PDE1A: variants seen among roughly 807,000 people sequenced by gnomAD.
PDE1A encodes dual specificity calcium/calmodulin-dependent 3',5'-cyclic nucleotide phosphodiesterase 1A.
A neutral mutation model predicts 61.7 loss-of-function variants in PDE1A; 35 were observed. That is an observed-to-expected ratio of 0.57 (90% CI 0.43 to 0.75). PDE1A has a LOEUF of 0.75. PDE1A is among the 30% of genes least tolerant of loss of function. The pLI, the probability that PDE1A is intolerant of heterozygous loss-of-function variation, is 0.00. For missense variants in PDE1A, 597 were observed against 630.6 expected, an observed-to-expected ratio of 0.95 and a Z score of 0.57; for synonymous variants, 232 against 213.2, an observed-to-expected ratio of 1.09 and a Z score of -0.77.
chr2:182,400,227 T>C (rs982359823), intron 1 of PDE1A, among the ~76,000 whole-genome samples: 1 of 152,196 alleles, frequency 6.6e-6, no homozygotes, highest in South Asian at 2.1e-4. Context: ...GAAGGTTCCA[T>C]GTACTTGACA....
chr2:182,536,676 T>C, the PDE1A span, among the ~76,000 whole-genome samples: 1 of 152,348 alleles, frequency 6.6e-6, no homozygotes, highest in African/African-American at 2.4e-5. Context: ...ACACATGTTC[T>C]TAAAATGTCA....
intron 1 of PDE1A, among the ~76,000 whole-genome samples, chr2:182,403,371 G>A (rs1395062007): frequency 1.4e-5 from 2 of 148,112 alleles, no homozygotes; most frequent in South Asian, 2.3e-4. Flanking sequence ...AGGCCGAGGC[G>A]GGTGGATCAC....
At chr2:182,521,218 T>C (rs1192916315) in intron 2 of PDE1A, among the ~76,000 whole-genome samples, 3 of 151,962 alleles carry the variant, frequency 2.0e-5, no homozygotes, top group Non-Finnish European at 4.4e-5. Flanking sequence ...TAATTTTCTT[T>C]AAAAAAATAT....
intron 1 of PDE1A, among the ~76,000 whole-genome samples, chr2:182,277,701 A>T (rs1167416475): frequency 1.3e-5 from 2 of 152,128 alleles, no homozygotes; most frequent in Non-Finnish European, 2.9e-5. Context: ...CTAGAGAGCT[A>T]CTGGGTGCAA....
intron 2 of PDE1A, among the ~76,000 whole-genome samples, chr2:182,479,678 C>A (rs184376200): frequency 1.3e-4 from 19 of 151,874 alleles, no homozygotes; most frequent in Admixed American, 1.1e-3. Context: ...ATATATATAG[C>A]ATTTCAGTCT....
At chr2:182,352,382 G>T (rs1191424334) in intron 1 of PDE1A, among the ~76,000 whole-genome samples, 1 of 152,190 alleles carries the variant, frequency 6.6e-6, no homozygotes, top group Admixed American at 6.5e-5. Flanking sequence ...GTAGAGTTTT[G>T]CTTCTGAACC....
intron 1 of PDE1A, among the ~76,000 whole-genome samples, chr2:182,272,403 A>T (rs1233404097): frequency 7.2e-5 from 11 of 152,202 alleles, no homozygotes; most frequent in African/African-American, 2.4e-4. Context: ...CCTGCATGTT[A>T]TGCAGATGGT....
intron 2 of PDE1A, among the ~76,000 whole-genome samples, chr2:182,435,270 A>G (rs1684324035): frequency 6.6e-6 from 1 of 152,112 alleles, no homozygotes. Flanking sequence ...TTTGTATAGT[A>G]GGTAGTTAAA....
chr2:182,310,250 T>G (rs1445271146), intron 1 of PDE1A, among the ~76,000 whole-genome samples: 1 of 152,202 alleles, frequency 6.6e-6, no homozygotes, highest in Non-Finnish European at 1.5e-5. Context: ...AGAAGTGTTC[T>G]AAGAAATCCT....
At chr2:182,686,906 C>T in the PDE1A span, among the ~76,000 whole-genome samples, 261 of 152,326 alleles carry the variant, frequency 1.7e-3, 2 homozygotes, top group African/African-American at 5.9e-3. Flanking sequence ...TTGGAGGGTC[C>T]CATGCCCATG....
chr2:182,238,065 A>G (rs2116636), intron 3 of PDE1A, among the ~76,000 whole-genome samples: 109,116 of 151,556 alleles, frequency 0.72, 39,856 homozygotes, highest in African/African-American at 0.85. Flanking sequence ...TCAGGAGATC[A>G]AGACCATTCT....
intron 1 of PDE1A, among the ~76,000 whole-genome samples, chr2:182,290,093 T>G (rs1291313171): frequency 6.6e-6 from 1 of 152,092 alleles, no homozygotes; most frequent in Non-Finnish European, 1.5e-5. Flanking sequence ...TGGAATTAAA[T>G]TAAAAAATTA....
chr2:182,452,359 A>G (rs915527214), intron 2 of PDE1A, among the ~76,000 whole-genome samples: 7 of 152,092 alleles, frequency 4.6e-5, no homozygotes, highest in Admixed American at 3.9e-4. Context: ...AATATCTTCA[A>G]TGTGTTCATG....
intron 1 of PDE1A, among the ~76,000 whole-genome samples, chr2:182,342,943 G>A (rs1307783651): frequency 6.6e-6 from 1 of 152,124 alleles, no homozygotes. Flanking sequence ...TGCAGGATAA[G>A]GTGAATATAC....
At chr2:182,148,249 C>T (rs1451722687) in intron 13 of PDE1A, among the ~76,000 whole-genome samples, 1 of 152,092 alleles carries the variant, frequency 6.6e-6, no homozygotes, top group African/African-American at 2.4e-5. Context: ...TTGTTTGTTA[C>T]AGAACCCAGA....
intron 2 of PDE1A, among the ~76,000 whole-genome samples, chr2:182,263,923 A>C (rs1489823211): frequency 6.6e-6 from 1 of 152,194 alleles, no homozygotes; most frequent in Non-Finnish European, 1.5e-5. Context: ...ATTTTCCTAA[A>C]GGGACTCTGA....
At chr2:182,512,547 CT>C (rs1239468241) in intron 2 of PDE1A, among the ~76,000 whole-genome samples, 1 of 152,172 alleles carries the variant, frequency 6.6e-6, no homozygotes, top group Non-Finnish European at 1.5e-5. Context: ...AATCTAGTGT[CT>C]TTTACCTCCA....
chr2:182,474,046 T>C (rs1301904739), intron 2 of PDE1A, among the ~76,000 whole-genome samples: 1 of 152,022 alleles, frequency 6.6e-6, no homozygotes, highest in Admixed American at 6.6e-5. Context: ...TGCCTTTAAG[T>C]CTTTGAGGTA....
chr2:182,711,643 T>C, the PDE1A span, among the ~76,000 whole-genome samples: 12 of 152,120 alleles, frequency 7.9e-5, no homozygotes, highest in African/African-American at 2.7e-4. Flanking sequence ...AAATGGCTAG[T>C]ATAATGGCTG....
Sources: allele counts gnomAD v4.1 joint callset (sites outside exome capture counted in the v4.1 genomes callset), GRCh38; gene constraint gnomAD v4.1.1; transcripts MANE v1.5; gene names NCBI Gene and HGNC (gene_info 2026-07-23, HGNC 2026-07-21).